The following GPR107 variants were observed in gnomAD, a reference collection of about 807,000 sequenced individuals.
GPR107 encodes G protein-coupled receptor 107.
Under a neutral mutation model 75.5 loss-of-function variants are expected in GPR107, and 31 were observed. That is an observed-to-expected ratio of 0.41 (90% CI 0.31 to 0.55). GPR107 has a LOEUF of 0.55. Among genes scored for constraint, GPR107 ranks in the 20% least tolerant of loss-of-function variants. The pLI is 0.26. For missense variants in GPR107, 572 were observed against 665.7 expected, an observed-to-expected ratio of 0.86 and a Z score of 1.55; for synonymous variants, 267 against 251.3, an observed-to-expected ratio of 1.06 and a Z score of -0.59.
At chr9:130,104,349 C>T in intron 12 of GPR107, 71 bp from the exon 13 acceptor site, 3 of 1,449,530 alleles carry the variant, frequency 2.1e-6, no homozygotes, top group Non-Finnish European at 2.9e-6. Context: ...GTGTACACCC[C>T]ACATTGGGGC....
intron 17 of GPR107, among the ~76,000 whole-genome samples, chr9:130,131,231 A>G (rs1273189466): frequency 1.3e-5 from 2 of 152,132 alleles, no homozygotes; most frequent in African/African-American, 2.4e-5. Flanking sequence ...ACTGCTGCAG[A>G]GCCTGAGCTT....
chr9:130,114,224 C>T (rs1049415176), intron 14 of GPR107, among the ~76,000 whole-genome samples: 1 of 140,836 alleles, frequency 7.1e-6, no homozygotes, highest in Admixed American at 7.2e-5. Context: ...CAAAAATTAG[C>T]TGAGCGTGGT....
At chr9:130,100,117 G>C (rs962776005) in intron 10 of GPR107, among the ~76,000 whole-genome samples, 3 of 151,550 alleles carry the variant, frequency 2.0e-5, no homozygotes, top group East Asian at 1.9e-4. Context: ...GGATGGTCTC[G>C]ATCTCCTGAC....
intron 17 of GPR107, among the ~76,000 whole-genome samples, chr9:130,131,614 G>A (rs552652443): frequency 3.4e-5 from 5 of 147,966 alleles, no homozygotes; most frequent in South Asian, 4.3e-4. Flanking sequence ...CTCCTGCTCC[G>A]CGTCACCTCA....
At chr9:130,084,939 CAAGG>C (rs916411477) in intron 6 of GPR107, among the ~76,000 whole-genome samples, 6 of 152,034 alleles carry the variant, frequency 3.9e-5, no homozygotes, top group African/African-American at 1.2e-4. Flanking sequence ...AAGAGAAAGA[CAAGG>C]GAGGGGAGGA....
rs113331809 is a variant in GPR107 at position 130,128,835 on chromosome 9, G to C, written c.1562+74G>C. 7 of 1,410,904 alleles carry C rather than the reference G, an allele frequency of 5.0e-6. No individual in the cohort carries two copies. In the African/African-American group the frequency reaches 1.0e-4, roughly 20 times the overall value. The allele number at this position is 1,410,904 out of a possible 1,614,324, so 87.4% of individuals were successfully genotyped here. ...CACAAAGCAGCACAGTGTGAATCGG[G>C]TCGGCTGCTCTCAGCATTTCGTGGC... is the stretch of plus-strand genomic sequence containing the variant. On this transcript the variant is annotated intron_variant, in intron 17 of 17. Transcript: ENST00000347136.
chr9:130,113,538 C>G (rs78047653), intron 14 of GPR107, among the ~76,000 whole-genome samples: 1 of 152,096 alleles, frequency 6.6e-6, no homozygotes, highest in African/African-American at 2.4e-5. Context: ...GCCAGTTTCC[C>G]AGTTCTTATA....
intron 6 of GPR107, among the ~76,000 whole-genome samples, chr9:130,084,831 A>T (rs1423007150): frequency 6.6e-6 from 1 of 151,942 alleles, no homozygotes; most frequent in African/African-American, 2.4e-5. Context: ...CACTTACATG[A>T]TGTAGGATCA....
At position 130,077,185 on chromosome 9, in the gene GPR107, G is replaced by A. The variant is rs941965778; in HGVS notation, c.307-114G>A. 6.2e-5 allele frequency: 43 copies of A among 692,030 alleles called. 1 individual carries two copies. Among genetic ancestry groups the A allele is most frequent in the Middle Eastern group, 3.6e-4 (1 of 2,788 alleles). The allele number at this position is 692,030 out of a possible 1,614,324, so 42.9% of individuals were successfully genotyped here. On this transcript the variant is annotated intron_variant, in intron 3 of 17. Coordinates refer to ENST00000347136, the MANE Select transcript of GPR107 (RefSeq NM_020960.5). ...ACAGGCGTGAGCCACCACGCCCACC[G>A]GTTTACTATTTTGAATGGAGTTTGA...
intron 12 of GPR107, 83 bp from the exon 13 acceptor site, chr9:130,104,337 A>T (rs1831107716): frequency 7.7e-7 from 1 of 1,300,962 alleles, no homozygotes; most frequent in Non-Finnish European, 1.1e-6. Context: ...CTGGAGGCCA[A>T]GGTGTACACC....
chr9:130,091,307 G>A (rs1442080595), intron 8 of GPR107, among the ~76,000 whole-genome samples: 2 of 152,002 alleles, frequency 1.3e-5, no homozygotes, highest in Non-Finnish European at 2.9e-5. Context: ...TGGGCAATAT[G>A]GCAAAACCCT....
At chr9:130,057,690 A>G (rs529577501) in intron 1 of GPR107, among the ~76,000 whole-genome samples, 2 of 151,918 alleles carry the variant, frequency 1.3e-5, no homozygotes, top group South Asian at 2.1e-4. Flanking sequence ...ATTATTTTTA[A>G]AATTAGAAAT....
chr9:130,119,122 T>C (rs950695632), intron 14 of GPR107, among the ~76,000 whole-genome samples: 4 of 152,118 alleles, frequency 2.6e-5, no homozygotes, highest in Non-Finnish European at 4.4e-5. Context: ...GGAAGAACAA[T>C]GGAGGGAGTC....
At chr9:130,076,888 T>G (rs867690453) in intron 3 of GPR107, among the ~76,000 whole-genome samples, 4 of 150,624 alleles carry the variant, frequency 2.7e-5, no homozygotes, top group African/African-American at 9.7e-5. Flanking sequence ...TTACTTTTGT[T>G]TTTTGTTTTT....
At chr9:130,101,677 T>C (rs575536680) in intron 12 of GPR107, among the ~76,000 whole-genome samples, 20 of 152,310 alleles carry the variant, frequency 1.3e-4, no homozygotes, top group Middle Eastern at 3.4e-3. Flanking sequence ...ATCCTTACCA[T>C]GTTTGGGGCC....
intron 6 of GPR107, among the ~76,000 whole-genome samples, chr9:130,084,775 CAA>C (rs143763501): frequency 4.5e-4 from 53 of 118,648 alleles, no homozygotes; most frequent in East Asian, 1.7e-3. Flanking sequence ...GACCCTGTCT[CAA>C]AAAAAAAAAA....
chr9:130,132,863 G>A (rs1012115427), intron 17 of GPR107: 42 of 151,224 alleles, frequency 2.8e-4, no homozygotes, highest in African/African-American at 9.5e-4. Flanking sequence ...TCCACACACT[G>A]CAAGTACTTA....
chr9:130,060,974 C>A (rs1018053804), intron 1 of GPR107, among the ~76,000 whole-genome samples: 1 of 152,178 alleles, frequency 6.6e-6, no homozygotes, highest in African/African-American at 2.4e-5. Flanking sequence ...AGCAGAACAT[C>A]ACACAAAAGG....
intron 17 of GPR107, among the ~76,000 whole-genome samples, chr9:130,132,234 G>A (rs1554899182): frequency 1.3e-5 from 2 of 152,170 alleles, no homozygotes; most frequent in Non-Finnish European, 2.9e-5. Context: ...AGAATCACCT[G>A]TAGAGTGTTT....
Sources: allele counts gnomAD v4.1 joint callset (sites outside exome capture counted in the v4.1 genomes callset), GRCh38; gene constraint gnomAD v4.1.1; transcripts MANE v1.5; gene names NCBI Gene and HGNC (gene_info 2026-07-23, HGNC 2026-07-21).